Variants in FBXL17 observed in about 807,000 individuals in gnomAD.
FBXL17 encodes F-box/LRR-repeat protein 17.
Under a neutral mutation model 66.2 loss-of-function variants are expected in FBXL17, and 22 were observed. The ratio of observed to expected loss-of-function variants is 0.33; its 90% CI spans 0.24 to 0.47. FBXL17 has a LOEUF of 0.47. Among genes scored for constraint, FBXL17 ranks in the 20% least tolerant of loss-of-function variants. The probability of loss-of-function intolerance (pLI) is 1.00; values close to 1 mark genes in which losing one functional copy is unlikely to be tolerated. For synonymous variants in FBXL17, 474 were observed against 400.5 expected, an observed-to-expected ratio of 1.18 and a Z score of -2.19; for missense variants, 878 against 948.2, an observed-to-expected ratio of 0.93 and a Z score of 0.97.
intron 3 of FBXL17, among the ~76,000 whole-genome samples, chr5:108,357,526 T>C (rs897862630): frequency 2.3e-4 from 35 of 152,026 alleles, no homozygotes; most frequent in Non-Finnish European, 3.4e-4. Flanking sequence ...AGTAGTAGAA[T>C]ACACATTCTT....
chr5:108,311,291 C>T (rs1759105317), intron 4 of FBXL17, among the ~76,000 whole-genome samples: 1 of 152,026 alleles, frequency 6.6e-6, no homozygotes, highest in African/African-American at 2.4e-5. Flanking sequence ...CCTGCCTCAG[C>T]CTCCCAAGTA....
At chr5:107,977,574 T>C (rs1752629587) in intron 7 of FBXL17, among the ~76,000 whole-genome samples, 1 of 152,158 alleles carries the variant, frequency 6.6e-6, no homozygotes, top group Non-Finnish European at 1.5e-5. Flanking sequence ...GTGAGGGGCA[T>C]ATATGGGTCT....
intron 4 of FBXL17, among the ~76,000 whole-genome samples, chr5:108,259,510 AC>A: frequency 6.6e-6 from 1 of 152,312 alleles, no homozygotes; most frequent in Non-Finnish European, 1.5e-5. Context: ...ATCAGGTCTA[AC>A]ACACTTAACC....
At chr5:107,949,468 A>G (rs1008442887) in intron 7 of FBXL17, among the ~76,000 whole-genome samples, 2 of 152,212 alleles carry the variant, frequency 1.3e-5, no homozygotes, top group East Asian at 3.8e-4. Context: ...CTTTTTACAG[A>G]CAACACATTC....
rs909666275 is a variant in FBXL17, at chr5:108,058,433, CTCTT to C, written c.1746-37436_1746-37433del. ...CTTTCTCTTTCTTTCTTCTTTCTTTCTCTTTCTTTCTTCTCTCCTTTTCTTTCTT... is the reference window on the plus strand; with the variant it reads ...CTTTCTCTTTCTTTCTTCTTTCTTTCTCTTTCTTCTCTCCTTTTCTTTCTT... On this transcript the variant is annotated intron_variant, in intron 6 of 8. Transcript: ENST00000542267. Among the ~76,000 whole-genome samples the C allele has an allele frequency of 2.3e-3, 182 of 78,976 alleles. 1 individual carries two copies. The highest frequency in any genetic ancestry group is 0.022 in the South Asian group (65 of 2,994). The allele number at this position is 78,976 out of a possible 152,430, so 51.8% of individuals were successfully genotyped here.
At chr5:108,007,821 A>G (rs1033570911) in intron 7 of FBXL17, among the ~76,000 whole-genome samples, 1 of 152,162 alleles carries the variant, frequency 6.6e-6, no homozygotes, top group Non-Finnish European at 1.5e-5. Context: ...ACCTTTCCAC[A>G]TAATGTAGAG....
intron 6 of FBXL17, among the ~76,000 whole-genome samples, chr5:108,033,585 CT>C (rs1260964745): frequency 6.6e-6 from 1 of 152,048 alleles, no homozygotes; most frequent in African/African-American, 2.4e-5. Flanking sequence ...TATCCATTTT[CT>C]TTTGTGAGTA....
At chr5:108,336,634 T>C (rs11746148) in intron 4 of FBXL17, among the ~76,000 whole-genome samples, 2,461 of 152,172 alleles carry the variant, frequency 0.016, 27 homozygotes, top group Middle Eastern at 0.027. Context: ...AATAACTCAG[T>C]AAATAAAAAT....
At chr5:108,009,298 T>TAGATAGATAGATAGATAGAGAG (rs1475870219) in intron 7 of FBXL17, among the ~76,000 whole-genome samples, 1 of 71,450 alleles carries the variant, frequency 1.4e-5, no homozygotes, top group Non-Finnish European at 2.5e-5. Flanking sequence ...TATATATATA[T>TAGATAGATAGATAGATAGAGAG]ATACATATAT....
At chr5:107,885,486 T>C (rs985851180) in intron 7 of FBXL17, among the ~76,000 whole-genome samples, 3 of 152,158 alleles carry the variant, frequency 2.0e-5, no homozygotes, top group Non-Finnish European at 4.4e-5. Flanking sequence ...CTGATTGTAA[T>C]TGCAAAATGA....
chr5:108,324,618 C>CA (rs1384746737), intron 4 of FBXL17, among the ~76,000 whole-genome samples: 1 of 151,966 alleles, frequency 6.6e-6, no homozygotes, highest in Non-Finnish European at 1.5e-5. Flanking sequence ...AGAAGGGTCT[C>CA]AAAGACATTT....
intron 7 of FBXL17, among the ~76,000 whole-genome samples, chr5:107,905,707 G>C (rs933789858): frequency 5.9e-5 from 9 of 152,148 alleles, no homozygotes; most frequent in Non-Finnish European, 7.4e-5. Flanking sequence ...TACAGATGAA[G>C]CTATAACTCA....
At chr5:108,375,942 G>A (rs1191359666) in intron 1 of FBXL17, among the ~76,000 whole-genome samples, 1 of 152,030 alleles carries the variant, frequency 6.6e-6, no homozygotes, top group African/African-American at 2.4e-5. Flanking sequence ...ATTTATCCCA[G>A]GAATGCAAGG....
chr5:107,903,640 G>A (rs1749647015), intron 7 of FBXL17, among the ~76,000 whole-genome samples: 1 of 152,140 alleles, frequency 6.6e-6, no homozygotes, highest in African/African-American at 2.4e-5. Flanking sequence ...TCAAAGAACT[G>A]TGGTGGGACA....
At chr5:108,189,828 T>C (rs892561627) in intron 5 of FBXL17, among the ~76,000 whole-genome samples, 6 of 152,164 alleles carry the variant, frequency 3.9e-5, no homozygotes, top group Non-Finnish European at 8.8e-5. Context: ...TATGAGAGCC[T>C]TCTGGGGATT....
intron 6 of FBXL17, among the ~76,000 whole-genome samples, chr5:108,051,505 A>C (rs1437282130): frequency 6.6e-6 from 1 of 152,196 alleles, no homozygotes; most frequent in Admixed American, 6.5e-5. Context: ...TGATTATCTC[A>C]ATATGCTCAA....
intron 3 of FBXL17, among the ~76,000 whole-genome samples, chr5:108,362,463 T>A (rs530379964): frequency 6.6e-6 from 1 of 152,266 alleles, no homozygotes; most frequent in South Asian, 2.1e-4. Flanking sequence ...GAAACAGCCC[T>A]TTATTCTTAA....
intron 6 of FBXL17, among the ~76,000 whole-genome samples, chr5:108,034,524 G>A (rs927197252): frequency 6.6e-6 from 1 of 152,006 alleles, no homozygotes; most frequent in African/African-American, 2.4e-5. Context: ...AATAAAAAAG[G>A]AATTTCTTTT....
chr5:108,060,109 T>C (rs1747864547), intron 6 of FBXL17, among the ~76,000 whole-genome samples: 1 of 151,262 alleles, frequency 6.6e-6, no homozygotes, highest in Non-Finnish European at 1.5e-5. Context: ...TTTCTATATT[T>C]GTAGTAATAT....
Sources: gnomAD v4.1 joint callset for allele counts (sites outside exome capture counted in the v4.1 genomes callset) on GRCh38, gnomAD v4.1.1 for gene constraint, MANE v1.5 for transcripts, NCBI Gene and HGNC (gene_info 2026-07-23, HGNC 2026-07-21) for gene names.